The following CIZ1 variants were observed in gnomAD, a reference collection of about 807,000 sequenced individuals.
CIZ1 encodes CDKN1A interacting zinc finger protein 1, also known as cip1-interacting zinc finger protein.
Under a neutral mutation model 118.6 loss-of-function variants are expected in CIZ1, and 58 were observed. That is an observed-to-expected ratio of 0.49 (90% CI 0.40 to 0.61). The LOEUF is 0.61. Among genes scored for constraint, CIZ1 ranks in the 20% least tolerant of loss-of-function variants. The probability of loss-of-function intolerance (pLI) is 0.00; values close to 1 mark genes in which losing one functional copy is unlikely to be tolerated. For synonymous variants in CIZ1, 448 were observed against 443.4 expected (o/e 1.01, Z -0.13); for missense variants, 921 against 1,115.9 (o/e 0.83, Z 2.49).
chr9:128,202,230 G>A (rs973983459), intron 1 of CIZ1, among the ~76,000 whole-genome samples: 2 of 152,170 alleles, frequency 1.3e-5, no homozygotes, highest in South Asian at 2.1e-4. Flanking sequence ...TGTTCACAGC[G>A]CAGGGAAATG....
upstream of CIZ1, among the ~76,000 whole-genome samples, chr9:128,192,252 C>T (rs960384587): frequency 2.6e-5 from 4 of 152,004 alleles, no homozygotes; most frequent in Admixed American, 2.6e-4. Context: ...CGTCTGTAGT[C>T]CCAGCTACTC....
intron 1 of CIZ1, among the ~76,000 whole-genome samples, chr9:128,201,974 C>T (rs147891407): frequency 6.6e-6 from 1 of 152,208 alleles, no homozygotes; most frequent in Non-Finnish European, 1.5e-5. Context: ...CACCCTACCC[C>T]GCCCCTGCTT....
chr9:128,190,672 C>A lies in CIZ1; in HGVS notation c.170+16G>T. On this transcript the variant is annotated intron_variant, in intron 2 of 16. Coordinates refer to ENST00000372938, the MANE Select transcript of CIZ1 (RefSeq NM_001131016.2). ...GTAGCAAGGCTGAAGCCATCGCGCC[C>A]GAGAGGGGAACTCACCGGCTGACAG... 1 of 1,549,182 alleles carries A rather than the reference C, an allele frequency of 6.5e-7. No homozygotes were observed.
Position 128,179,008 on chromosome 9 carries a change from A to T in CIZ1, c.1199T>A (p.Leu400Gln), listed in dbSNP as rs150535884. 386 of 1,610,228 alleles carry T rather than the reference A, an allele frequency of 2.4e-4. 2 individuals carry two copies. In the African/African-American group the frequency reaches 4.6e-3, roughly 19 times the overall value. Residue 400 changes from leucine (L) to glutamine (Q), a missense_variant, in exon 8 of 17, where the codon CTG becomes CAG. Leu to Gln is a moderately radical substitution (Grantham distance 113, BLOSUM62 -2). Coordinates refer to ENST00000372938, the MANE Select transcript of CIZ1 (RefSeq NM_001131016.2). Reference protein sequence around the residue: ...QVQLQQEAEPLKQVQPQVQPQ... With the variant: ...QVQLQQEAEPQKQVQPQVQPQ... Reference sequence around the variant, plus strand: ...CTGCACCTGTGGCTGCACCTGCTTCAGCGGCTCTGCCTCCTGCTGCAGCTG... The same window carrying T: ...CTGCACCTGTGGCTGCACCTGCTTCTGCGGCTCTGCCTCCTGCTGCAGCTG...
At chr9:128,196,643 C>T (rs1236749850), upstream of CIZ1, among the ~76,000 whole-genome samples, 1 of 152,096 alleles carries the variant, frequency 6.6e-6, no homozygotes, top group African/African-American at 2.4e-5. Context: ...CTCGCTCTGT[C>T]TTCAGGCTGG....
rs537536982 is a variant in CIZ1 at position 128,191,230 on chromosome 9, C to T, written c.-6+202G>A. 6.7e-5 allele frequency: 20 copies of T among 298,462 alleles called. No homozygotes were observed. In the South Asian group the frequency reaches 1.4e-3, roughly 20 times the overall value. The allele number at this position is 298,462 out of a possible 1,614,324, so 18.5% of individuals were successfully genotyped here. A position where few individuals can be genotyped will look rare whatever the true frequency, so the allele number is the denominator to read the frequency against. ...AGCCCCTTTTCAATACCGCAACCCTCTCTGGGCCCCCGGGTGTCAATAACA... is the reference window on the plus strand; with the variant it reads ...AGCCCCTTTTCAATACCGCAACCCTTTCTGGGCCCCCGGGTGTCAATAACA... On this transcript the variant is annotated intron_variant, in intron 1 of 16. Transcript: ENST00000372938. The surrounding 1 kb of genome is among the most constrained non-coding windows in gnomAD (Gnocchi z 5.5).
Position 128,191,406 on chromosome 9 carries a change from C to T in CIZ1, c.-6+26G>A. The T allele has an allele frequency of 1.1e-6, 1 of 886,008 alleles. No individual in the cohort carries two copies. The highest frequency in any genetic ancestry group is 5.7e-4 in the Middle Eastern group (1 of 1,754). 54.9% of individuals were successfully genotyped at this position (886,008 alleles called of 1,614,324 possible). On this transcript the variant is annotated intron_variant, in intron 1 of 16. Coordinates refer to ENST00000372938, the MANE Select transcript of CIZ1 (RefSeq NM_001131016.2). The surrounding 1 kb of genome is among the most constrained non-coding windows in gnomAD (Gnocchi z 5.5). ...CAGCCAGCTCGCAGGCGGAGCCCCA[C>T]GACCCAGCCGCCCCCGGCCCCGCAC...
At chr9:128,201,070 C>T (rs908377459) in intron 1 of CIZ1, among the ~76,000 whole-genome samples, 1 of 151,932 alleles carries the variant, frequency 6.6e-6, no homozygotes, top group Non-Finnish European at 1.5e-5. Flanking sequence ...AGATGGAAAC[C>T]ATCCTGGCTA....
Position 128,203,047 on chromosome 9 carries a change from G to A in CIZ1, c.-6+1139C>T, listed in dbSNP as rs1434576379. 2.6e-5 allele frequency: 4 copies of A among 152,216 alleles called. No homozygotes were observed. Among genetic ancestry groups the A allele is most frequent in the East Asian group, 1.9e-4 (1 of 5,180 alleles). The allele number at this position is 152,216 out of a possible 1,614,324, so 9.4% of individuals were successfully genotyped here. A position where few individuals can be genotyped will look rare whatever the true frequency, so the allele number is the denominator to read the frequency against. ...CTCGGAGTTCTGACCTCTGAGGTCA[G>A]GAGGCTGTGACCTCAGAGGAAGCCC... is the stretch of plus-strand genomic sequence containing the variant. On this transcript the variant is annotated intron_variant, in intron 1 of 17. Coordinates refer to the CIZ1 transcript ENST00000372948. The surrounding 1 kb of genome is among the most constrained non-coding windows in gnomAD (Gnocchi z 5.3).
intron 1 of CIZ1, chr9:128,202,979 C>G (rs1833578461): frequency 6.6e-6 from 1 of 152,124 alleles, no homozygotes; most frequent in Non-Finnish European, 1.5e-5. Context: ...AGATCAGAGT[C>G]AGGATCTAGG....
At chr9:128,169,724 C>A (rs1274755021) in intron 12 of CIZ1, 1 of 1,532,884 alleles carries the variant, frequency 6.5e-7, no homozygotes, top group South Asian at 1.2e-5. Context: ...TGGCAGATGG[C>A]AACACAGAGA....
At chr9:128,186,421 A>G (rs1832382849) in intron 4 of CIZ1, among the ~76,000 whole-genome samples, 1 of 151,702 alleles carries the variant, frequency 6.6e-6, no homozygotes, top group South Asian at 2.1e-4. Flanking sequence ...CCCACATACT[A>G]TCAACTCTGT....
chr9:128,167,065 C>T lies in CIZ1; in HGVS notation c.2365+30G>A, dbSNP rs1449358678. The T allele has an allele frequency of 5.7e-6, 9 of 1,585,996 alleles. No homozygotes were observed. In the African/African-American group the frequency reaches 8.0e-5, roughly 14 times the overall value. On this transcript the variant is annotated intron_variant, in intron 15 of 16. Transcript: ENST00000372938. The stretch of plus-strand genomic sequence containing the variant: ...AGGCTGGGCCCAAGGGCTGAAGCTC[C>T]TGCAGGTGGGCTCAGAGCTGGGGCC...
intron 11 of CIZ1, 135 bp downstream of exon 11, chr9:128,176,216 A>G (rs917780153): frequency 3.6e-5 from 38 of 1,060,482 alleles, no homozygotes; most frequent in Non-Finnish European, 5.0e-5. Context: ...AAGGTCACAC[A>G]GTTAACAGTG....
upstream of CIZ1, chr9:128,191,718 T>C: frequency 7.5e-7 from 1 of 1,334,990 alleles, no homozygotes. The surrounding 1 kb of genome is among the most constrained non-coding windows in gnomAD (Gnocchi z 5.5). Context: ...GAGGGGGTCC[T>C]GGGCGGCTCA....
chr9:128,177,263 C>T (rs1014153638), intron 10 of CIZ1, among the ~76,000 whole-genome samples: 1 of 152,176 alleles, frequency 6.6e-6, no homozygotes, highest in African/African-American at 2.4e-5. Context: ...CCCAGCTACT[C>T]AGAGCCGATA....
intron 3 of CIZ1, 24 bp downstream of exon 3, chr9:128,190,302 TGAG>T: frequency 2.6e-6 from 4 of 1,524,376 alleles, no homozygotes; most frequent in Non-Finnish European, 3.6e-6. Flanking sequence ...TAAAAGAGAC[TGAG>T]AAGAGGCCTG....
At chr9:128,168,985 G>A in intron 14 of CIZ1, 67 bp downstream of exon 14, 1 of 1,601,318 alleles carries the variant, frequency 6.2e-7, no homozygotes, top group Non-Finnish European at 8.5e-7. Flanking sequence ...TCCGGGAGGT[G>A]GGATGAGGTC....
chr9:128,176,223 A>T, intron 11 of CIZ1, 128 bp downstream of exon 11: 3 of 1,141,002 alleles, frequency 2.6e-6, no homozygotes, highest in Non-Finnish European at 3.8e-6. Context: ...CACAGTTAAC[A>T]GTGTGAGGAG....
Sources: gnomAD v4.1 joint callset for allele counts (sites outside exome capture counted in the v4.1 genomes callset) on GRCh38, gnomAD v4.1.1 for gene constraint, Gnocchi (gnomAD v3.1) non-coding constraint, MANE v1.5 for transcripts, NCBI Gene and HGNC (gene_info 2026-07-23, HGNC 2026-07-21) for gene names.